Variants in FBXO36 observed in about 807,000 individuals in gnomAD.
FBXO36 encodes the protein F-box protein 36.
A neutral mutation model predicts 17.0 loss-of-function variants in FBXO36; 18 were observed. The ratio of observed to expected loss-of-function variants is 1.06; its 90% CI spans 0.73 to 1.57. The LOEUF (loss-of-function observed/expected upper bound fraction) is 1.57, where lower values mean the gene tolerates loss of function less well. FBXO36 is among the 40% of genes most tolerant of loss of function. FBXO36 has a pLI of 0.00. For synonymous variants in FBXO36, 83 were observed against 85.3 expected (o/e 0.97, Z 0.15); for missense variants, 229 against 221.9 (o/e 1.03, Z -0.20).
intron 1 of FBXO36, among the ~76,000 whole-genome samples, chr2:229,964,810 C>T (rs541519725): frequency 3.9e-5 from 6 of 152,318 alleles, no homozygotes; most frequent in African/African-American, 1.2e-4. Context: ...TGAGCCACCG[C>T]GCCCGGTGCG....
intron 1 of FBXO36, among the ~76,000 whole-genome samples, chr2:229,962,402 C>G (rs1381001790): frequency 6.6e-6 from 1 of 151,764 alleles, no homozygotes; most frequent in African/African-American, 2.4e-5. Context: ...GTATTCATAG[C>G]TCACTGCAGC....
chr2:229,961,821 A>G (rs1161982924), intron 1 of FBXO36, among the ~76,000 whole-genome samples: 2 of 152,184 alleles, frequency 1.3e-5, no homozygotes, highest in Non-Finnish European at 2.9e-5. Flanking sequence ...ATCTTAGACT[A>G]TAAAATGCCT....
chr2:229,933,724 C>T (rs1238236903), intron 1 of FBXO36, among the ~76,000 whole-genome samples: 1 of 152,074 alleles, frequency 6.6e-6, no homozygotes, highest in Non-Finnish European at 1.5e-5. Flanking sequence ...CTTGCTCTGT[C>T]GCCCAGGCTG....
chr2:229,969,124 C>T (rs188343403), intron 1 of FBXO36, among the ~76,000 whole-genome samples: 21 of 152,208 alleles, frequency 1.4e-4, no homozygotes, highest in African/African-American at 5.1e-4. Flanking sequence ...GCATTTCAGT[C>T]TATAATCATG....
In FBXO36 at chr2:230,010,859, G is replaced by GA; in HGVS notation, c.545dup (p.Asn182LysfsTer43). The GA allele has an allele frequency of 6.2e-7, 1 of 1,612,546 alleles. No individual in the cohort carries two copies. The highest frequency in any genetic ancestry group is 8.5e-7 in the Non-Finnish European group (1 of 1,179,044). The stretch of plus-strand genomic sequence containing the variant: ...CTCCGCAAGAGGAAACAAAAATATG[G>GA]AAACCTGAGAGAAAAGCAACCTTAG... On this transcript the variant is annotated frameshift_variant, in exon 4 of 4. Coordinates refer to ENST00000283946, the MANE Select transcript of FBXO36 (RefSeq NM_174899.5). LOFTEE classifies it low-confidence loss of function (END_TRUNC).
chr2:229,939,060 T>TG (rs796519688), intron 1 of FBXO36: 7 of 91,372 alleles, frequency 7.7e-5, no homozygotes, highest in South Asian at 3.9e-4. Flanking sequence ...TGTTTTTTGT[T>TG]TTTTTTTTTT....
intron 1 of FBXO36, among the ~76,000 whole-genome samples, chr2:229,964,020 T>C (rs532473317): frequency 2.0e-5 from 3 of 152,200 alleles, no homozygotes; most frequent in African/African-American, 2.4e-5. Flanking sequence ...AAATTGAGCA[T>C]CTTTTTATAT....
chr2:229,996,636 A>G, intron 2 of FBXO36, 115 bp from the exon 3 acceptor site: 2 of 1,129,314 alleles, frequency 1.8e-6, no homozygotes, highest in Non-Finnish European at 2.5e-6. Flanking sequence ...ATGACTTAGC[A>G]TCATCTAACG....
At position 229,976,343 on chromosome 2, in the gene FBXO36, C is replaced by A. The variant is rs1560447290; in HGVS notation, c.199C>A (p.Leu67Ile). The change falls in exon 2 of 4, where the codon CTT (leucine) becomes ATT (isoleucine). Residue 67 changes from leucine to isoleucine, a missense_variant. Coordinates refer to ENST00000283946, the MANE Select transcript of FBXO36 (RefSeq NM_174899.5). ...THEDFLENSH[L>I]QGQTALIFGA... ...TGAAGACTTCCTAGAGAATTCACAT[C>A]TTCAAGGTAAGGAACGGAACATATT... 2 of 1,609,694 alleles carry A rather than the reference C, an allele frequency of 1.2e-6. No individual in the cohort carries two copies. The highest frequency in any genetic ancestry group is 1.7e-6 in the Non-Finnish European group (2 of 1,176,130).
intron 1 of FBXO36, chr2:229,973,482 G>A (rs917033227): frequency 6.6e-6 from 1 of 151,932 alleles, no homozygotes; most frequent in African/African-American, 2.4e-5. Flanking sequence ...CACCACTTTG[G>A]GAGGCCGAAG....
chr2:229,925,018 C>T (rs2076902627), intron 1 of FBXO36, among the ~76,000 whole-genome samples: 1 of 152,114 alleles, frequency 6.6e-6, no homozygotes, highest in South Asian at 2.1e-4. Context: ...GCGTGAGCCA[C>T]CGCGCCCGGC....
intron 1 of FBXO36, among the ~76,000 whole-genome samples, chr2:229,923,405 T>C (rs922947461): frequency 2.2e-4 from 33 of 152,356 alleles, no homozygotes; most frequent in African/African-American, 7.9e-4. Context: ...TTTCTAATCC[T>C]GGCTGAGTTT....
intron 1 of FBXO36, among the ~76,000 whole-genome samples, chr2:229,958,507 G>A (rs2077103564): frequency 6.6e-6 from 1 of 152,100 alleles, no homozygotes; most frequent in African/African-American, 2.4e-5. Flanking sequence ...CTGACCTTGT[G>A]ATCTGCCCAC....
intron 1 of FBXO36, among the ~76,000 whole-genome samples, chr2:229,958,221 T>A (rs1312010773): frequency 6.6e-6 from 1 of 151,316 alleles, no homozygotes; most frequent in African/African-American, 2.4e-5. Flanking sequence ...TTACAATTTT[T>A]TTTTGTTCTT....
chr2:229,925,594 T>G (rs936138766), intron 1 of FBXO36, among the ~76,000 whole-genome samples: 1 of 152,184 alleles, frequency 6.6e-6, no homozygotes, highest in Non-Finnish European at 1.5e-5. Flanking sequence ...TGCCCCAGAT[T>G]TAGATGAATC....
chr2:229,936,620 A>G (rs1312720066), intron 1 of FBXO36, among the ~76,000 whole-genome samples: 2 of 151,994 alleles, frequency 1.3e-5, no homozygotes, highest in African/African-American at 4.8e-5. Context: ...TGTAATCCCA[A>G]CACTTTGTGA....
Position 229,988,597 on chromosome 2 carries a change from C to T in FBXO36, c.206-8154C>T, listed in dbSNP as rs556225809. On this transcript the variant is annotated intron_variant, in intron 2 of 3. Transcript: ENST00000283946. ...TTTCCCAGGCTGGAGTGCAGTGGCG[C>T]GATTTCAGCTCACTACAAGCTCCGT... is the stretch of plus-strand genomic sequence containing the variant. 4.6e-5 allele frequency among the ~76,000 whole-genome samples: 7 copies of T among 152,090 alleles called. No individual in the cohort carries two copies. In the South Asian group the frequency reaches 6.2e-4, roughly 14 times the overall value.
chr2:229,999,424 G>C (rs2077345906), intron 3 of FBXO36, among the ~76,000 whole-genome samples: 1 of 143,920 alleles, frequency 6.9e-6, no homozygotes, highest in Admixed American at 7.0e-5. Context: ...ACCGCGCCCG[G>C]CCTTAAGTAA....
At chr2:229,949,248 A>G (rs2077042766) in intron 1 of FBXO36, among the ~76,000 whole-genome samples, 1 of 152,202 alleles carries the variant, frequency 6.6e-6, no homozygotes, top group African/African-American at 2.4e-5. Flanking sequence ...ACAGCTTAGC[A>G]ATGTTTTGTC....
Sources: gnomAD v4.1 joint callset for allele counts (sites outside exome capture counted in the v4.1 genomes callset) on GRCh38, gnomAD v4.1.1 for gene constraint, MANE v1.5 for transcripts, NCBI Gene and HGNC (gene_info 2026-07-23, HGNC 2026-07-21) for gene names.